MKRN2: variants seen among roughly 807,000 people sequenced by gnomAD.
MKRN2 encodes the protein E3 ubiquitin-protein ligase makorin-2.
A neutral mutation model predicts 45.4 loss-of-function variants in MKRN2; 32 were observed. The observed-to-expected ratio is 0.70, with a 90% CI of 0.53 to 0.95. MKRN2 has a LOEUF of 0.95. Ranked by LOEUF, MKRN2 falls within the 40% of genes least tolerant of loss-of-function variation. The probability of loss-of-function intolerance (pLI) is 0.00; values close to 1 mark genes in which losing one functional copy is unlikely to be tolerated. For missense variants in MKRN2, 526 were observed against 536.7 expected, an observed-to-expected ratio of 0.98 and a Z score of 0.20; for synonymous variants, 206 against 192.4, an observed-to-expected ratio of 1.07 and a Z score of -0.59.
At chr3:12,577,141 G>T (rs1426393082) in intron 6 of MKRN2, 2 of 155,026 alleles carry the variant, frequency 1.3e-5, no homozygotes, top group African/African-American at 4.8e-5. Flanking sequence ...GTTTCGCCAT[G>T]TAGCCCAGGC....
chr3:12,572,230 G>A lies in MKRN2; in HGVS notation c.499G>A (p.Glu167Lys), dbSNP rs373294185. The change falls in exon 4 of 8, where the codon GAG becomes AAG. Residue 167 changes from glutamate to lysine, a missense_variant. Transcript: ENST00000170447. ...DVEASSSYSN[E>K]QQLCPYAAAG... The stretch of plus-strand genomic sequence containing the variant: ...GGAGGCCAGCAGCTCCTACAGCAAC[G>A]AGCAGCAGCTGTGCCCCTACGCAGC... The A allele has an allele frequency of 5.0e-6, 8 of 1,614,078 alleles. No individual in the cohort carries two copies. In the East Asian group the frequency reaches 1.1e-4, roughly 22 times the overall value.
chr3:12,570,046 T>A, intron 2 of MKRN2, 25 bp from the exon 3 acceptor site: 2 of 1,568,230 alleles, frequency 1.3e-6, no homozygotes, highest in Middle Eastern at 4.2e-4. Flanking sequence ...ATGTCTGTAA[T>A]GCATCTGCTG....
At chr3:12,575,294 G>C (rs982113761) in intron 5 of MKRN2, among the ~76,000 whole-genome samples, 1 of 152,154 alleles carries the variant, frequency 6.6e-6, no homozygotes, top group Non-Finnish European at 1.5e-5. Context: ...TCATCTCCTA[G>C]CCTTGTGTTT....
At chr3:12,568,560 A>G (rs1244261903) in intron 1 of MKRN2, among the ~76,000 whole-genome samples, 1 of 152,230 alleles carries the variant, frequency 6.6e-6, no homozygotes, top group East Asian at 1.9e-4. Context: ...CAGAGAGAAC[A>G]GTTTTTCACA....
At position 12,576,606 on chromosome 3, in the gene MKRN2, CTTAGTAATCTAA is replaced by C. The variant is rs1453189215; in HGVS notation, c.858-22_858-11del. ...CCAGGCTTCGTAACATGACTTCTCC[CTTAGTAATCTAA>C]TTCTTATTTCAGGTCTTGTCCAGAA... On this transcript the variant is annotated splice_polypyrimidine_tract_variant and intron_variant, in intron 5 of 7. Transcript: ENST00000170447. 1 of 1,530,102 alleles carries C rather than the reference CTTAGTAATCTAA, an allele frequency of 6.5e-7. No individual in the cohort carries two copies. The highest frequency in any genetic ancestry group is 1.7e-5 in the Admixed American group (1 of 59,508). 94.8% of individuals were successfully genotyped at this position (1,530,102 alleles called of 1,614,324 possible). A position where few individuals can be genotyped will look rare whatever the true frequency, so the allele number is the denominator to read the frequency against.
chr3:12,569,865 T>TGATA (rs1207367490), intron 2 of MKRN2, among the ~76,000 whole-genome samples: 1 of 152,044 alleles, frequency 6.6e-6, no homozygotes, highest in African/African-American at 2.4e-5. Context: ...TAAGCATAGG[T>TGATA]GATAGATAGC....
At chr3:12,575,203 C>G (rs966985499) in intron 5 of MKRN2, among the ~76,000 whole-genome samples, 197 bp downstream of exon 5, 4 of 152,156 alleles carry the variant, frequency 2.6e-5, no homozygotes, top group African/African-American at 9.7e-5. Flanking sequence ...GCAACAATTC[C>G]TACCAAGCTT....
intron 3 of MKRN2, among the ~76,000 whole-genome samples, chr3:12,571,229 G>C (rs1014122566): frequency 1.7e-4 from 26 of 151,952 alleles, no homozygotes; most frequent in Admixed American, 1.1e-3. Context: ...TCTTGCCTCA[G>C]CCTTCTGAGT....
At chr3:12,569,376 G>C (rs1341443752) in intron 2 of MKRN2, among the ~76,000 whole-genome samples, 2 of 150,654 alleles carry the variant, frequency 1.3e-5, no homozygotes, top group Non-Finnish European at 2.9e-5. Context: ...TGGTCAGGCT[G>C]GTCTCTAACT....
chr3:12,562,509 A>G (rs755382794), intron 1 of MKRN2, among the ~76,000 whole-genome samples: 1 of 152,222 alleles, frequency 6.6e-6, no homozygotes, highest in Non-Finnish European at 1.5e-5. Flanking sequence ...CTTTTTAAAA[A>G]ATAAAACTTT....
chr3:12,581,947 G>GT lies in MKRN2; in HGVS notation c.1109dup (p.Arg371GlufsTer4). 1 of 1,614,116 alleles carries GT rather than the reference G, an allele frequency of 6.2e-7. No homozygotes were observed. Among genetic ancestry groups the GT allele is most frequent in the Non-Finnish European group, 8.5e-7 (1 of 1,180,032 alleles). ...GAAACAGCTCAGTTCTCAAGGCACT[G>GT]TGAGGGTAAGGACTTTAGCCATCTC... On this transcript the variant is annotated frameshift_variant, in exon 7 of 8. Transcript: ENST00000170447. LOFTEE classifies it high-confidence loss of function.
At chr3:12,581,367 G>A (rs1397605483) in intron 6 of MKRN2, among the ~76,000 whole-genome samples, 3 of 152,166 alleles carry the variant, frequency 2.0e-5, no homozygotes, top group Non-Finnish European at 2.9e-5. Context: ...ACAGCACTGC[G>A]GCCAGGAGGA....
intron 3 of MKRN2, among the ~76,000 whole-genome samples, chr3:12,571,088 A>G (rs1407297640): frequency 6.9e-6 from 1 of 144,342 alleles, no homozygotes; most frequent in Non-Finnish European, 1.5e-5. Flanking sequence ...GAAAGCTACA[A>G]ATTGTAAAAG....
At chr3:12,570,023 G>A (rs1308994064) in intron 2 of MKRN2, 48 bp from the exon 3 acceptor site, 3 of 1,514,552 alleles carry the variant, frequency 2.0e-6, no homozygotes, top group Non-Finnish European at 2.7e-6. Flanking sequence ...TGTGGGAGAT[G>A]TGTGTGGGTG....
rs750552243 is a variant in MKRN2, at chr3:12,574,865, G to T, written c.716G>T (p.Ser239Ile). Residue 239 changes from serine to isoleucine, a missense_variant, in exon 5 of 8, where the codon AGT (serine) becomes ATT (isoleucine). Ser to Ile is a moderately radical substitution (Grantham distance 142). Transcript: ENST00000170447. ...CAGGCAAGCCAGGACAAAGTGTGCA[G>T]TATCTGCATGGAAGTGATCCTGGAG... ...AFQASQDKVCSICMEVILEKA... is the reference protein window; with the variant it reads ...AFQASQDKVCIICMEVILEKA... The T allele has an allele frequency of 1.9e-6, 3 of 1,614,240 alleles. No individual in the cohort carries two copies. In the East Asian group the frequency reaches 6.7e-5, roughly 36 times the overall value.
intron 6 of MKRN2, 192 bp downstream of exon 6, chr3:12,576,933 G>GTTTTTGTT (rs56380121): frequency 2.5e-3 from 140 of 55,922 alleles, no homozygotes; most frequent in African/African-American, 9.8e-3. Context: ...TAGTTTTGGT[G>GTTTTTGTT]TTTTTTTTTT....
chr3:12,559,469 G>A (rs2058017840), intron 1 of MKRN2, among the ~76,000 whole-genome samples: 1 of 152,030 alleles, frequency 6.6e-6, no homozygotes, highest in African/African-American at 2.4e-5. Flanking sequence ...AGGTCACAAA[G>A]TTTTAGGTTT....
chr3:12,557,310 C>A, intron 1 of MKRN2, 134 bp downstream of exon 1: 3 of 1,250,224 alleles, frequency 2.4e-6, no homozygotes, highest in Non-Finnish European at 3.2e-6. Flanking sequence ...CGCGGCGGGG[C>A]TTTGCGAGGC....
chr3:12,561,210 A>G (rs1260228435), intron 1 of MKRN2, among the ~76,000 whole-genome samples: 1 of 152,238 alleles, frequency 6.6e-6, no homozygotes, highest in East Asian at 1.9e-4. Flanking sequence ...TGAAGTCACC[A>G]GCTTATAAAT....
Sources: allele counts gnomAD v4.1 joint callset (sites outside exome capture counted in the v4.1 genomes callset), GRCh38; gene constraint gnomAD v4.1.1; transcripts MANE v1.5; gene names NCBI Gene and HGNC (gene_info 2026-07-23, HGNC 2026-07-21).